ZC3H14: variants seen among roughly 807,000 people sequenced by gnomAD.
The protein encoded by ZC3H14 is zinc finger CCCH-type containing 14, also known as zinc finger CCCH domain-containing protein 14.
ZC3H14 carries 31 observed loss-of-function variants against 92.4 expected under a neutral mutation model. That is an observed-to-expected ratio of 0.34 (90% CI 0.25 to 0.45). The LOEUF is 0.45. Ranked by LOEUF, ZC3H14 falls within the 20% of genes least tolerant of loss-of-function variation. The pLI, the probability that ZC3H14 is intolerant of heterozygous loss-of-function variation, is 1.00. For missense variants in ZC3H14, 781 were observed against 897.3 expected (o/e 0.87, Z 1.66); for synonymous variants, 321 against 300.9 (o/e 1.07, Z -0.69).
chr14:88,610,943 A>G lies in ZC3H14; in HGVS notation c.2204+3A>G. The G allele has an allele frequency of 6.2e-7, 1 of 1,613,348 alleles. No homozygotes were observed. Among genetic ancestry groups the G allele is most frequent in the Non-Finnish European group, 8.5e-7 (1 of 1,179,256 alleles). ...AAATGGATTCGACCTCAAACCAGGT[A>G]AACATTCAAATTCGTTTTTCTCATG... On this transcript the variant is annotated splice_donor_region_variant and intron_variant, in intron 16 of 16. Coordinates refer to ENST00000251038, the MANE Select transcript of ZC3H14 (RefSeq NM_024824.5).
chr14:88,597,455 TC>T (rs926218908), intron 10 of ZC3H14, among the ~76,000 whole-genome samples: 1 of 152,204 alleles, frequency 6.6e-6, no homozygotes, highest in Non-Finnish European at 1.5e-5. Context: ...TCCTTCTGTT[TC>T]CCCTAAGTCT....
chr14:88,594,286 A>G (rs1229220481), intron 9 of ZC3H14: 3 of 431,054 alleles, frequency 7.0e-6, no homozygotes, highest in African/African-American at 4.3e-5. Flanking sequence ...CTTAACCTAT[A>G]AAGTAGCGCT....
intron 9 of ZC3H14, chr14:88,594,716 C>T (rs1218336187): frequency 6.2e-7 from 1 of 1,613,892 alleles, no homozygotes; most frequent in Non-Finnish European, 8.5e-7. Flanking sequence ...TTTGAGGTTC[C>T]TGTCACCTTT....
intron 13 of ZC3H14, 115 bp downstream of exon 13, chr14:88,607,478 AC>A: frequency 9.7e-7 from 1 of 1,035,762 alleles, no homozygotes; most frequent in Non-Finnish European, 1.4e-6. Flanking sequence ...CCCAGCAAGT[AC>A]CATCCCCCAC....
Position 88,621,787 on chromosome 14 carries a change from TGAAA to T in ZC3H14, c.*10037_*10040del. The T allele has an allele frequency of 2.8e-6, 1 of 359,946 alleles. No homozygotes were observed. The highest frequency in any genetic ancestry group is 5.6e-6 in the Non-Finnish European group (1 of 179,670). 22.3% of individuals were successfully genotyped at this position (359,946 alleles called of 1,614,324 possible). A position where few individuals can be genotyped will look rare whatever the true frequency, so the allele number is the denominator to read the frequency against. On this transcript the variant is annotated 3_prime_UTR_variant, in exon 17 of 17. Transcript: ENST00000251038. ...GAGTTGTAGTTTTGAATTTTTATTT[TGAAA>T]TTGACACATAATTATACATATCTAT...
intron 5 of ZC3H14, 32 bp from the exon 6 acceptor site, chr14:88,572,546 G>T (rs1478128319): frequency 6.2e-7 from 1 of 1,612,532 alleles, no homozygotes; most frequent in Non-Finnish European, 8.5e-7. Flanking sequence ...CCCTAATTTG[G>T]CTGTAATACA....
chr14:88,623,065 G>A lies in ZC3H14; in HGVS notation c.*11314G>A, dbSNP rs963471130. The A allele has an allele frequency of 1.3e-5, 2 of 150,938 alleles. No individual in the cohort carries two copies. Among genetic ancestry groups the A allele is most frequent in the Non-Finnish European group, 2.8e-5 (2 of 71,822 alleles). The allele number at this position is 150,938 out of a possible 1,614,324, so 9.3% of individuals were successfully genotyped here. On this transcript the variant is annotated 3_prime_UTR_variant, in exon 17 of 17. Transcript: ENST00000251038. ...TAGTCTCGCTCTGTCTCCCAGGCTTGAGTGCAGTGGCATGATCTAGGCTTA... is the reference window on the plus strand; with the variant it reads ...TAGTCTCGCTCTGTCTCCCAGGCTTAAGTGCAGTGGCATGATCTAGGCTTA...
At chr14:88,599,537 G>A (rs1412901799) in intron 10 of ZC3H14, among the ~76,000 whole-genome samples, 2 of 152,146 alleles carry the variant, frequency 1.3e-5, no homozygotes, top group Admixed American at 1.3e-4. Flanking sequence ...AGAGGTGTGC[G>A]GGAGGGACCG....
At chr14:88,593,773 A>G (rs1334969865) in intron 9 of ZC3H14, among the ~76,000 whole-genome samples, 1 of 152,184 alleles carries the variant, frequency 6.6e-6, no homozygotes, top group African/African-American at 2.4e-5. Context: ...AAAAAAATAG[A>G]TATGTCTTGG....
chr14:88,563,678 T>G lies in ZC3H14; in HGVS notation c.64T>G (p.Leu22Val), dbSNP rs1395263191. Residue 22 changes from leucine to valine, a missense_variant, in exon 2 of 17, where the codon TTA becomes GTA. Leu to Val is a conservative substitution (Grantham distance 32). Coordinates refer to ENST00000251038, the MANE Select transcript of ZC3H14 (RefSeq NM_024824.5). ...TGCCATTAAGGGGAAATTACAAGAA[T>G]TAGGAGCTTATGTTGGTAAGTGTTT... ...RSAIKGKLQE[L>V]GAYVDEELPD... 6.2e-7 allele frequency: 1 copy of G among 1,614,088 alleles called. No individual in the cohort carries two copies. The highest frequency in any genetic ancestry group is 1.1e-5 in the South Asian group (1 of 91,088).
Position 88,578,147 on chromosome 14 carries a change from A to T in ZC3H14, c.1279+7A>T, listed in dbSNP as rs1408637242. 6.2e-7 allele frequency: 1 copy of T among 1,613,890 alleles called. No individual in the cohort carries two copies. The highest frequency in any genetic ancestry group is 1.1e-5 in the South Asian group (1 of 91,068). Reference sequence around the variant, plus strand: ...TCTGTAGAAAAAAATCAAGGTAATAACTTAAATGATGTTTCACTCTTTACT... The same window carrying T: ...TCTGTAGAAAAAAATCAAGGTAATATCTTAAATGATGTTTCACTCTTTACT... On this transcript the variant is annotated splice_region_variant and intron_variant, in intron 9 of 16. Transcript: ENST00000251038.
Position 88,563,075 on chromosome 14 carries a change from G to A in ZC3H14, c.-59G>A, listed in dbSNP as rs2079076329. 5 of 1,545,646 alleles carry A rather than the reference G, an allele frequency of 3.2e-6. No homozygotes were observed. The African/African-American group carries it at 4.1e-5, about 13-fold the overall frequency. On this transcript the variant is annotated 5_prime_UTR_variant, in exon 1 of 17. Transcript: ENST00000251038. ...TCCCGGCTGCGGGGTAGGAGTCCGCGGCAGCCTCCGGGTAAGCCAAGCGCC... is the reference window on the plus strand; with the variant it reads ...TCCCGGCTGCGGGGTAGGAGTCCGCAGCAGCCTCCGGGTAAGCCAAGCGCC...
intron 9 of ZC3H14, among the ~76,000 whole-genome samples, chr14:88,582,177 C>T (rs951926675): frequency 1.3e-5 from 2 of 152,194 alleles, no homozygotes; most frequent in South Asian, 2.1e-4. Flanking sequence ...GATAAGAGAA[C>T]AAGATGGTAG....
rs1226798105 is a variant in ZC3H14 at position 88,613,718 on chromosome 14, T to G, written c.*1967T>G. 2 of 152,182 alleles carry G rather than the reference T, an allele frequency of 1.3e-5. No individual in the cohort carries two copies. The highest frequency in any genetic ancestry group is 4.8e-5 in the African/African-American group (2 of 41,458). The allele number at this position is 152,182 out of a possible 1,614,324, so 9.4% of individuals were successfully genotyped here. Reference sequence around the variant, plus strand: ...GAAGCAAGGGTACCAGAGGGCACAGTGTGCTTTGGCATGCATTTTATACAT... The same window carrying G: ...GAAGCAAGGGTACCAGAGGGCACAGGGTGCTTTGGCATGCATTTTATACAT... On this transcript the variant is annotated 3_prime_UTR_variant, in exon 17 of 17. Transcript: ENST00000251038.
At position 88,610,865 on chromosome 14, in the gene ZC3H14, C is replaced by T. The variant is rs139980286; in HGVS notation, c.2129C>T (p.Pro710Leu). The change falls in exon 16 of 17, where the codon CCG becomes CTG. Residue 710 changes from proline (P) to leucine (L), a missense_variant. Coordinates refer to ENST00000251038, the MANE Select transcript of ZC3H14 (RefSeq NM_024824.5). ...HCRFNTQCTRPDCTFYHPTIN... is the reference protein window; with the variant it reads ...HCRFNTQCTRLDCTFYHPTIN... ...AGGTTTAACACTCAATGTACAAGAC[C>T]GGACTGCACATTCTACCATCCCACC... 2.0e-4 allele frequency: 316 copies of T among 1,613,952 alleles called. No homozygotes were observed. The highest frequency in any genetic ancestry group is 4.4e-4 in the African/African-American group (33 of 74,894).
chr14:88,576,894 G>T (rs1173589409), intron 8 of ZC3H14, among the ~76,000 whole-genome samples: 1 of 152,016 alleles, frequency 6.6e-6, no homozygotes, highest in Non-Finnish European at 1.5e-5. Flanking sequence ...GGGTCCAAGC[G>T]ATTCTCCTGC....
At chr14:88,605,740 A>T (rs1363122775) in intron 12 of ZC3H14, among the ~76,000 whole-genome samples, 1 of 152,226 alleles carries the variant, frequency 6.6e-6, no homozygotes, top group Non-Finnish European at 1.5e-5. Flanking sequence ...GGGCTGCATG[A>T]CTACATTTGT....
intron 9 of ZC3H14, among the ~76,000 whole-genome samples, chr14:88,592,902 A>G (rs535498495): frequency 1.3e-5 from 2 of 152,160 alleles, no homozygotes; most frequent in South Asian, 4.1e-4. Context: ...ACCAAAGTAA[A>G]AACGTCCTTT....
At chr14:88,602,718 A>C in intron 11 of ZC3H14, 110 bp from the exon 12 acceptor site, 4 of 1,183,206 alleles carry the variant, frequency 3.4e-6, no homozygotes, top group Non-Finnish European at 3.7e-6. Context: ...TTTTTTATTG[A>C]ACCAAACGCA....
Sources: allele counts gnomAD v4.1 joint callset (sites outside exome capture counted in the v4.1 genomes callset), GRCh38; gene constraint gnomAD v4.1.1; transcripts MANE v1.5; gene names NCBI Gene and HGNC (gene_info 2026-07-23, HGNC 2026-07-21).